Variants in RGS6 observed in about 807,000 individuals in gnomAD.
RGS6 encodes the protein regulator of G-protein signaling 6.
RGS6 carries 30 observed loss-of-function variants against 78.5 expected under a neutral mutation model. The ratio of observed to expected loss-of-function variants is 0.38; its 90% CI spans 0.29 to 0.52. The LOEUF is 0.52. Ranked by LOEUF, RGS6 falls within the 20% of genes least tolerant of loss-of-function variation. RGS6 has a pLI of 0.85. For missense variants in RGS6, 495 were observed against 609.7 expected (o/e 0.81, Z 1.98); for synonymous variants, 206 against 206.0 (o/e 1.00, Z 0.00).
intron 11 of RGS6, 159 bp downstream of exon 11, chr14:72,476,999 CAAGCCACGG>C: frequency 3.2e-6 from 2 of 621,400 alleles, no homozygotes; most frequent in Non-Finnish European, 5.7e-6. Flanking sequence ...TGTGTGTGAA[CAAGCCACGG>C]AAGCTTGAGA....
In RGS6 at chr14:72,465,790, A is replaced by T. The variant is rs2095894491; in HGVS notation, c.427A>T (p.Lys143Ter). ...IYLCKRTMQN[K>*]ARLELADYEA... Reference sequence around the variant, plus strand: ...TCTCTGTAAGAGGACAATGCAAAATAAAGCAAGGCTGGAACTGGCAGATTA... The same window carrying T: ...TCTCTGTAAGAGGACAATGCAAAATTAAGCAAGGCTGGAACTGGCAGATTA... The change falls in exon 7 of 18, where the codon AAA becomes TAA. Residue 143 changes from lysine (K) to a stop codon, truncating the protein, a stop_gained. Transcript: ENST00000553525. LOFTEE classifies it high-confidence loss of function. The T allele has an allele frequency of 6.2e-7, 1 of 1,613,876 alleles. No individual in the cohort carries two copies. The highest frequency in any genetic ancestry group is 1.3e-5 in the African/African-American group (1 of 74,930).
At chr14:72,231,217 T>C (rs944106288) in intron 2 of RGS6, among the ~76,000 whole-genome samples, 4 of 152,180 alleles carry the variant, frequency 2.6e-5, no homozygotes, top group African/African-American at 9.7e-5. Flanking sequence ...CCCCACCAGT[T>C]AAAATGAATA....
At chr14:72,468,375 CA>C (rs5809574) in intron 7 of RGS6, among the ~76,000 whole-genome samples, 2,170 of 132,492 alleles carry the variant, frequency 0.016, 23 homozygotes, top group African/African-American at 0.048. Flanking sequence ...GACTCCGTCT[CA>C]AAAAAAAAAA....
chr14:72,186,441 A>G (rs1363125398), intron 2 of RGS6, among the ~76,000 whole-genome samples: 3 of 152,168 alleles, frequency 2.0e-5, no homozygotes, highest in Admixed American at 2.0e-4. Context: ...TTCTCCAGGA[A>G]TTTTGTTTTG....
the RGS6 span, among the ~76,000 whole-genome samples, chr14:71,915,377 C>T: frequency 6.6e-6 from 1 of 152,194 alleles, no homozygotes; most frequent in East Asian, 1.9e-4. Context: ...CCCCACAGCT[C>T]CTTCACCTGT....
At chr14:72,356,764 A>G (rs1281148246) in intron 3 of RGS6, among the ~76,000 whole-genome samples, 1 of 152,146 alleles carries the variant, frequency 6.6e-6, no homozygotes, top group Non-Finnish European at 1.5e-5. Flanking sequence ...TTTGCTCTGC[A>G]CTTCTCCTTG....
intron 1 of RGS6, among the ~76,000 whole-genome samples, chr14:71,958,031 A>T (rs1419730399): frequency 6.6e-6 from 1 of 151,944 alleles, no homozygotes. Flanking sequence ...ATATATATAT[A>T]TATATGCAGC....
intron 2 of RGS6, among the ~76,000 whole-genome samples, chr14:72,184,774 C>A (rs972408592): frequency 6.6e-6 from 1 of 152,034 alleles, no homozygotes; most frequent in Non-Finnish European, 1.5e-5. Context: ...ATCCTACTGG[C>A]AAAAAGTATT....
intron 2 of RGS6, among the ~76,000 whole-genome samples, chr14:72,054,402 G>T (rs1389524113): frequency 1.3e-5 from 2 of 152,142 alleles, no homozygotes; most frequent in Admixed American, 6.5e-5. Context: ...TGACAGTTTT[G>T]AGATTCTTGC....
intron 3 of RGS6, among the ~76,000 whole-genome samples, chr14:72,376,741 T>G (rs2084833234): frequency 6.6e-6 from 1 of 152,148 alleles, no homozygotes; most frequent in Non-Finnish European, 1.5e-5. Context: ...AAGCCATTCT[T>G]TAGAAATGAA....
At chr14:71,958,778 C>T (rs2092981563) in intron 1 of RGS6, among the ~76,000 whole-genome samples, 1 of 152,170 alleles carries the variant, frequency 6.6e-6, no homozygotes, top group Admixed American at 6.5e-5. Context: ...CCTGGCTGTA[C>T]TTACAAATCA....
the RGS6 span, among the ~76,000 whole-genome samples, chr14:71,900,647 C>T: frequency 6.6e-6 from 1 of 152,272 alleles, no homozygotes; most frequent in South Asian, 2.1e-4. Flanking sequence ...TCTTACGAAT[C>T]TTTGGTTCCT....
intron 2 of RGS6, among the ~76,000 whole-genome samples, chr14:72,233,447 A>T (rs865899819): frequency 3.3e-5 from 5 of 152,196 alleles, no homozygotes; most frequent in Non-Finnish European, 5.9e-5. Flanking sequence ...TATGGAATGC[A>T]AACCTCGTGG....
intron 2 of RGS6, among the ~76,000 whole-genome samples, chr14:72,065,978 T>C (rs2094130159): frequency 7.1e-6 from 1 of 141,742 alleles, no homozygotes; most frequent in South Asian, 2.6e-4. Context: ...ATGTGCATCA[T>C]TTTTTATGAA....
At chr14:72,100,802 A>C (rs1201273643) in intron 2 of RGS6, among the ~76,000 whole-genome samples, 1 of 152,192 alleles carries the variant, frequency 6.6e-6, no homozygotes, top group Admixed American at 6.5e-5. Context: ...TAATGTTTGA[A>C]TTTCATCTCC....
chr14:72,476,692 C>T (rs1333522816), intron 10 of RGS6, 50 bp from the exon 11 acceptor site: 1 of 1,530,392 alleles, frequency 6.5e-7, no homozygotes, highest in African/African-American at 1.4e-5. Flanking sequence ...CCCTAAGCCA[C>T]CCTCCAATTC....
chr14:71,906,480 A>T, the RGS6 span, among the ~76,000 whole-genome samples: 2 of 152,110 alleles, frequency 1.3e-5, no homozygotes, highest in Non-Finnish European at 2.9e-5. Context: ...CCCTTTGCCT[A>T]GGAGGGCCCG....
At chr14:72,518,757 T>C (rs1359798705) in intron 15 of RGS6, among the ~76,000 whole-genome samples, 2 of 152,250 alleles carry the variant, frequency 1.3e-5, no homozygotes, top group Non-Finnish European at 2.9e-5. Context: ...AATGTGCAGT[T>C]ATATGCTTTA....
chr14:72,403,807 A>C (rs2092683303), intron 3 of RGS6, among the ~76,000 whole-genome samples: 3 of 152,222 alleles, frequency 2.0e-5, no homozygotes, highest in Non-Finnish European at 2.9e-5. Flanking sequence ...GCAATAAGCC[A>C]ATACTTAACT....
Sources: gnomAD v4.1 joint callset for allele counts (sites outside exome capture counted in the v4.1 genomes callset) on GRCh38, gnomAD v4.1.1 for gene constraint, MANE v1.5 for transcripts, NCBI Gene and HGNC (gene_info 2026-07-23, HGNC 2026-07-21) for gene names.